The following ITPR2 variants were observed in gnomAD, a reference collection of about 807,000 sequenced individuals.
ITPR2 encodes inositol 1,4,5-trisphosphate receptor type 2.
ITPR2 carries 207 observed loss-of-function variants against 317.1 expected under a neutral mutation model. The ratio of observed to expected loss-of-function variants is 0.65; its 90% CI spans 0.58 to 0.73. The LOEUF is 0.73. ITPR2 is among the 30% of genes least tolerant of loss of function. The probability of loss-of-function intolerance (pLI) is 0.00; values close to 1 mark genes in which losing one functional copy is unlikely to be tolerated. For missense variants in ITPR2, 2,613 were observed against 3,284.0 expected (o/e 0.80, Z 4.99); for synonymous variants, 1,156 against 1,149.1 (o/e 1.01, Z -0.12).
intron 34 of ITPR2, among the ~76,000 whole-genome samples, chr12:26,565,484 TGATA>T (rs75320702): frequency 0.093 from 12,906 of 138,692 alleles, 911 homozygotes; most frequent in East Asian, 0.29. Context: ...GATAGACAGA[TGATA>T]GATAGATAGA....
At chr12:26,595,309 TCTCA>T (rs1438739956) in intron 32 of ITPR2, among the ~76,000 whole-genome samples, 152 bp downstream of exon 32, 5 of 152,364 alleles carry the variant, frequency 3.3e-5, no homozygotes, top group South Asian at 2.1e-4. Flanking sequence ...ACTCATTAAA[TCTCA>T]CTCACAATCT....
At position 26,654,076 on chromosome 12, in the gene ITPR2, A is replaced by T; in HGVS notation, c.2640T>A (p.Ser880Arg). 6.4e-7 allele frequency: 1 copy of T among 1,570,006 alleles called. No individual in the cohort carries two copies. ...GTGTTCTTGTTAGCCTTAATAACTC[A>T]CTGAAACTATAAAATCCAAAGTATA... ...NLIYFGFYSF[S>R]ELLRLTRTLL... The change falls in exon 21 of 57, where the codon AGT becomes AGA. Residue 880 changes from serine (S) to arginine (R), a missense_variant. Physicochemically the swap from Ser to Arg is moderately radical, Grantham distance 110. Transcript: ENST00000381340.
Position 26,400,212 on chromosome 12 carries a change from G to A in ITPR2, c.7446C>T (p.Leu2482=). The stretch of plus-strand genomic sequence containing the variant: ...TCAGCACGGTGACAATGCACATAAG[G>A]AGAGTGTCACACGTCCTTTCAATTC... ...EDGIERTCDT[L]LMCIVTVLNQ... Residue 2482 remains leucine (L), a synonymous_variant, in exon 53 of 57, where the codon CTC becomes CTT. Coordinates refer to ENST00000381340, the MANE Select transcript of ITPR2 (RefSeq NM_002223.4). 2 of 1,605,876 alleles carry A rather than the reference G, an allele frequency of 1.2e-6. No homozygotes were observed. The highest frequency in any genetic ancestry group is 2.2e-5 in the East Asian group (1 of 44,754).
At chr12:26,653,109 C>T (rs1298134724) in intron 21 of ITPR2, among the ~76,000 whole-genome samples, 1 of 152,144 alleles carries the variant, frequency 6.6e-6, no homozygotes, top group African/African-American at 2.4e-5. Flanking sequence ...ATGGTCAAGG[C>T]AGGATTTGAA....
chr12:26,645,970 CTTTTTTT>C (rs777192053), intron 21 of ITPR2, among the ~76,000 whole-genome samples: 1 of 119,018 alleles, frequency 8.4e-6, no homozygotes, highest in South Asian at 2.7e-4. Context: ...TCTTTCTTTC[CTTTTTTT>C]TTTTTTTTTT....
At chr12:26,584,735 G>A (rs1945480753) in intron 32 of ITPR2, among the ~76,000 whole-genome samples, 1 of 152,132 alleles carries the variant, frequency 6.6e-6, no homozygotes. Context: ...TAACTTATCT[G>A]AATTAAAATT....
At chr12:26,654,458 T>C (rs1947329971) in intron 20 of ITPR2, among the ~76,000 whole-genome samples, 1 of 152,230 alleles carries the variant, frequency 6.6e-6, no homozygotes, top group African/African-American at 2.4e-5. Flanking sequence ...TTAATTACCT[T>C]AATAAATGGC....
intron 15 of ITPR2, 22 bp downstream of exon 15, chr12:26,663,663 A>T: frequency 6.3e-7 from 1 of 1,588,142 alleles, no homozygotes; most frequent in Non-Finnish European, 8.6e-7. Flanking sequence ...GAAACAGTTT[A>T]AAATGGGGGC....
intron 49 of ITPR2, among the ~76,000 whole-genome samples, chr12:26,422,053 TAAG>T (rs1219440252): frequency 5.9e-5 from 9 of 151,318 alleles, no homozygotes; most frequent in Non-Finnish European, 1.3e-4. Context: ...TACATTTACT[TAAG>T]TTTATTTAAT....
At chr12:26,343,567 T>TA (rs544602770) in intron 55 of ITPR2, among the ~76,000 whole-genome samples, 73 of 152,232 alleles carry the variant, frequency 4.8e-4, no homozygotes, top group East Asian at 4.0e-3. Context: ...TACCACCATT[T>TA]AAAAAAAATC....
At chr12:26,666,434 A>G (rs1947634611) in intron 13 of ITPR2, among the ~76,000 whole-genome samples, 1 of 152,202 alleles carries the variant, frequency 6.6e-6, no homozygotes, top group Non-Finnish European at 1.5e-5. Flanking sequence ...GCAACTGCAC[A>G]CGAGTTGGTA....
At chr12:26,818,704 T>A (rs1479112320) in intron 1 of ITPR2, among the ~76,000 whole-genome samples, 3 of 152,208 alleles carry the variant, frequency 2.0e-5, no homozygotes, top group Non-Finnish European at 4.4e-5. Flanking sequence ...ATTCCTTTTT[T>A]TTTTTACCTT....
Position 26,682,588 on chromosome 12 carries a change from G to C in ITPR2, c.1234C>G (p.Pro412Ala). The change falls in exon 12 of 57, where the codon CCT (proline) becomes GCT (alanine). Residue 412 changes from proline (P) to alanine (A), a missense_variant. Pro to Ala is a conservative substitution (Grantham distance 27, BLOSUM62 -1). This residue lies in a region of ITPR2 where 515 missense variants were observed against 789.4 expected (regional missense o/e 0.65). Transcript: ENST00000381340. The part of the protein sequence containing the change: ...SIPIDTDEER[P>A]VMLKIGTCQT... ...GTGACATTTACCTTTAACATAACAG[G>C]CCTCTCTTCATCTGTGTCTATGGGG... The C allele has an allele frequency of 6.2e-7, 1 of 1,605,380 alleles. No individual in the cohort carries two copies.
chr12:26,557,735 G>T (rs578161189), intron 35 of ITPR2, among the ~76,000 whole-genome samples: 17 of 152,228 alleles, frequency 1.1e-4, no homozygotes, highest in African/African-American at 3.1e-4. Flanking sequence ...GTTGAATGTT[G>T]TGTTATTTAA....
intron 1 of ITPR2, among the ~76,000 whole-genome samples, chr12:26,792,338 C>T (rs1487497961): frequency 1.3e-5 from 2 of 151,570 alleles, no homozygotes; most frequent in Non-Finnish European, 2.9e-5. Context: ...TGTTACAAGA[C>T]ATATATGATC....
chr12:26,387,177 T>G (rs1939692322), intron 55 of ITPR2, among the ~76,000 whole-genome samples: 1 of 152,160 alleles, frequency 6.6e-6, no homozygotes, highest in Non-Finnish European at 1.5e-5. Flanking sequence ...ACTGAGATGG[T>G]GCTAGTCATT....
At chr12:26,660,640 TGGCTTTGTGTATTGG>T (rs1947475672) in intron 15 of ITPR2, among the ~76,000 whole-genome samples, 1 of 152,250 alleles carries the variant, frequency 6.6e-6, no homozygotes, top group South Asian at 2.1e-4. Context: ...TTCAGAATGA[TGGCTTTGTGTATTGG>T]GGAGCCAGTT....
chr12:26,611,068 G>T (rs1050692775), intron 26 of ITPR2, among the ~76,000 whole-genome samples: 3 of 152,212 alleles, frequency 2.0e-5, no homozygotes, highest in Non-Finnish European at 4.4e-5. Flanking sequence ...TCAATAAAGG[G>T]ACACACAAAC....
intron 55 of ITPR2, among the ~76,000 whole-genome samples, chr12:26,362,117 G>A (rs963496491): frequency 9.9e-5 from 15 of 152,212 alleles, no homozygotes; most frequent in Admixed American, 5.2e-4. Flanking sequence ...AGGGGCTGGA[G>A]GGTGCTGTAT....
Sources: allele counts gnomAD v4.1 joint callset (sites outside exome capture counted in the v4.1 genomes callset), GRCh38; gene constraint gnomAD v4.1.1; regional missense constraint gnomAD v4.1.1; transcripts MANE v1.5; gene names NCBI Gene and HGNC (gene_info 2026-07-23, HGNC 2026-07-21).